The following PIAS1 variants were observed in gnomAD, a reference collection of about 807,000 sequenced individuals.
The protein encoded by PIAS1 is protein inhibitor of activated STAT 1.
In PIAS1, 6 loss-of-function variants were observed where a neutral mutation model predicts 71.3. The observed-to-expected ratio is 0.08, with a 90% CI of 0.05 to 0.17. The LOEUF is 0.17. PIAS1 is among the 10% of genes least tolerant of loss of function. PIAS1 has a pLI of 1.00. For missense variants in PIAS1, 555 were observed against 793.6 expected, an observed-to-expected ratio of 0.70 and a Z score of 3.61; for synonymous variants, 303 against 292.9, an observed-to-expected ratio of 1.03 and a Z score of -0.35.
intron 2 of PIAS1, among the ~76,000 whole-genome samples, chr15:68,120,737 C>CT (rs1332439904): frequency 5.9e-5 from 9 of 152,146 alleles, no homozygotes; most frequent in African/African-American, 2.2e-4. Context: ...TCACTGCAAC[C>CT]TCCACCTCCC....
At position 68,179,564 on chromosome 15, in the gene PIAS1, C is replaced by CTTTTTTTTTTTTTTTTTTTTTTTTTTTT. The variant is rs766344324; in HGVS notation, c.1482-1647_1482-1620dup. The stretch of plus-strand genomic sequence containing the variant: ...CAACCTTGTCATCTCGTGAAATGTT[C>CTTTTTTTTTTTTTTTTTTTTTTTTTTTT]TTTTTTTTTTTTTTTTTTTTTTTTT... On this transcript the variant is annotated intron_variant, in intron 11 of 13. Coordinates refer to ENST00000249636, the MANE Select transcript of PIAS1 (RefSeq NM_016166.3). Among the ~76,000 whole-genome samples the CTTTTTTTTTTTTTTTTTTTTTTTTTTTT allele has an allele frequency of 6.5e-4, 26 of 40,104 alleles. 10 individuals are homozygous for CTTTTTTTTTTTTTTTTTTTTTTTTTTTT. The highest frequency in any genetic ancestry group is 9.7e-4 in the Non-Finnish European group (22 of 22,758). The allele number at this position is 40,104 out of a possible 152,430, so 26.3% of individuals were successfully genotyped here. A position where few individuals can be genotyped will look rare whatever the true frequency, so the allele number is the denominator to read the frequency against.
At chr15:68,124,027 C>CAT (rs975122853) in intron 2 of PIAS1, among the ~76,000 whole-genome samples, 23 of 151,960 alleles carry the variant, frequency 1.5e-4, no homozygotes, top group Admixed American at 5.2e-4. Flanking sequence ...TACGTGTGTA[C>CAT]ATATGTATAC....
At chr15:68,175,867 G>A (rs2093017473) in intron 10 of PIAS1, 100 bp downstream of exon 10, 1 of 688,120 alleles carries the variant, frequency 1.5e-6, no homozygotes, top group South Asian at 4.1e-5. Flanking sequence ...TGAGCAGTTT[G>A]TGGATAGCTT....
At chr15:68,123,072 GAGA>G (rs1210658694) in intron 2 of PIAS1, among the ~76,000 whole-genome samples, 1 of 151,332 alleles carries the variant, frequency 6.6e-6, no homozygotes, top group African/African-American at 2.4e-5. Flanking sequence ...CTTTTTGAGA[GAGA>G]AGGTCTCATT....
intron 1 of PIAS1, chr15:68,061,438 C>T (rs2091958087): frequency 1.3e-5 from 2 of 152,212 alleles, no homozygotes; most frequent in South Asian, 2.1e-4. Flanking sequence ...ACCCTTCCTT[C>T]AGAGTTTTCT....
At chr15:68,098,241 C>T (rs1033246090) in intron 2 of PIAS1, among the ~76,000 whole-genome samples, 5 of 152,078 alleles carry the variant, frequency 3.3e-5, no homozygotes, top group Admixed American at 1.3e-4. Context: ...TTGATTAACA[C>T]GTATTTTGTA....
At chr15:68,106,326 G>T in intron 2 of PIAS1, among the ~76,000 whole-genome samples, 1 of 123,530 alleles carries the variant, frequency 8.1e-6, no homozygotes, top group Non-Finnish European at 1.6e-5. Flanking sequence ...ACCTGTCTCT[G>T]TGCTCATGAT....
Position 68,172,480 on chromosome 15 carries a change from T to C in PIAS1, c.1009-1252T>C, listed in dbSNP as rs1187967375. Among the ~76,000 whole-genome samples the C allele has an allele frequency of 2.6e-5, 4 of 152,316 alleles. No individual in the cohort carries two copies. In the East Asian group the frequency reaches 7.7e-4, roughly 29 times the overall value. On this transcript the variant is annotated intron_variant, in intron 8 of 13. Coordinates refer to ENST00000249636, the MANE Select transcript of PIAS1 (RefSeq NM_016166.3). ...AATGGTATTTCTAGTTCCAGATCCT[T>C]GAGGAATTGCCACACTGTGTTCCAC... is the stretch of plus-strand genomic sequence containing the variant.
chr15:68,105,828 ATAAC>A lies in PIAS1; in HGVS notation c.469+19083_469+19086del, dbSNP rs1241437659. On this transcript the variant is annotated intron_variant, in intron 2 of 13. Transcript: ENST00000249636. ...TCTAAAAAAAATTTTTTTTAAATAA[ATAAC>A]TAACAGTAACCTTAAAATGAAATTA... Among the ~76,000 whole-genome samples the A allele has an allele frequency of 2.0e-5, 3 of 152,262 alleles. No homozygotes were observed. In the East Asian group the frequency reaches 5.8e-4, roughly 29 times the overall value.
At chr15:68,088,575 G>A (rs1020658010) in intron 2 of PIAS1, among the ~76,000 whole-genome samples, 13 of 152,076 alleles carry the variant, frequency 8.5e-5, no homozygotes, top group East Asian at 1.9e-4. Flanking sequence ...GTATCTCATC[G>A]TTATAGAATT....
chr15:68,088,943 T>G (rs1234085985), intron 2 of PIAS1, among the ~76,000 whole-genome samples: 1 of 152,208 alleles, frequency 6.6e-6, no homozygotes, highest in Middle Eastern at 3.2e-3. Flanking sequence ...TTCTCTTCAT[T>G]TCTAAACGTA....
intron 1 of PIAS1, among the ~76,000 whole-genome samples, chr15:68,071,365 G>A (rs1353233824): frequency 2.7e-5 from 4 of 148,668 alleles, no homozygotes; most frequent in Non-Finnish European, 4.5e-5. Context: ...ACAGGTGCAT[G>A]CCACCATGCC....
chr15:68,154,393 G>A (rs897639600), intron 7 of PIAS1, among the ~76,000 whole-genome samples: 1 of 152,116 alleles, frequency 6.6e-6, no homozygotes, highest in African/African-American at 2.4e-5. Flanking sequence ...TGTGAGAGCC[G>A]GGGGCTGCGT....
At chr15:68,109,941 A>G (rs1446565974) in intron 2 of PIAS1, among the ~76,000 whole-genome samples, 2 of 152,214 alleles carry the variant, frequency 1.3e-5, no homozygotes, top group Non-Finnish European at 2.9e-5. Flanking sequence ...CTCTTTGACC[A>G]TGCCCCATTA....
chr15:68,130,209 TAATA>T (rs1027016662), intron 2 of PIAS1, among the ~76,000 whole-genome samples: 9 of 151,876 alleles, frequency 5.9e-5, no homozygotes, highest in Non-Finnish European at 8.8e-5. Context: ...AAGGTGGAAT[TAATA>T]AATAAACCTT....
chr15:68,127,070 A>G (rs1420749906), intron 2 of PIAS1, among the ~76,000 whole-genome samples: 1 of 152,036 alleles, frequency 6.6e-6, no homozygotes, highest in East Asian at 1.9e-4. Context: ...AGCTGGGACT[A>G]CAGGCGCACC....
intron 7 of PIAS1, among the ~76,000 whole-genome samples, chr15:68,158,839 C>T (rs1179428052): frequency 1.3e-5 from 2 of 152,140 alleles, no homozygotes; most frequent in African/African-American, 4.8e-5. Context: ...AGTAATAGAA[C>T]AATCTGTGAT....
At chr15:68,132,474 C>G (rs988057142) in intron 2 of PIAS1, among the ~76,000 whole-genome samples, 6 of 150,118 alleles carry the variant, frequency 4.0e-5, no homozygotes. Context: ...GACTCTGTCT[C>G]TAAAAAAAAA....
At chr15:68,146,479 C>A in intron 5 of PIAS1, 87 bp from the exon 6 acceptor site, 1 of 855,724 alleles carries the variant, frequency 1.2e-6, no homozygotes, top group Non-Finnish European at 1.8e-6. Context: ...TTCTAGTATG[C>A]AGTTTGTAGG....
Sources: gnomAD v4.1 joint callset for allele counts (sites outside exome capture counted in the v4.1 genomes callset) on GRCh38, gnomAD v4.1.1 for gene constraint, MANE v1.5 for transcripts, NCBI Gene and HGNC (gene_info 2026-07-23, HGNC 2026-07-21) for gene names.